Variants in ATXN1 observed in about 807,000 individuals in gnomAD.
The protein encoded by ATXN1 is ataxin-1.
ATXN1 carries 8 observed loss-of-function variants against 56.4 expected under a neutral mutation model. That is an observed-to-expected ratio of 0.14 (90% CI 0.08 to 0.26). The LOEUF is 0.26. Ranked by LOEUF, ATXN1 falls within the 10% of genes least tolerant of loss-of-function variation. The pLI is 1.00. For synonymous variants in ATXN1, 514 were observed against 494.6 expected (o/e 1.04, Z -0.52); for missense variants, 987 against 1,106.5 (o/e 0.89, Z 1.53).
chr6:16,320,933 C>T (rs952396340), intron 7 of ATXN1, among the ~76,000 whole-genome samples: 2 of 152,192 alleles, frequency 1.3e-5, no homozygotes, highest in East Asian at 1.9e-4. Flanking sequence ...AAAAGTTCAG[C>T]CTTCTTTCTA....
At chr6:16,570,810 T>C (rs1762319264) in intron 4 of ATXN1, among the ~76,000 whole-genome samples, 1 of 152,196 alleles carries the variant, frequency 6.6e-6, no homozygotes, top group South Asian at 2.1e-4. Context: ...TAATTTGAAA[T>C]GGAGTCTGTC....
chr6:16,463,798 G>A (rs893914418), intron 6 of ATXN1, among the ~76,000 whole-genome samples: 9 of 152,186 alleles, frequency 5.9e-5, no homozygotes, highest in African/African-American at 2.2e-4. Context: ...TACGTCCCAT[G>A]ACAGCCATCT....
intron 6 of ATXN1, among the ~76,000 whole-genome samples, chr6:16,448,628 G>C (rs370340659): frequency 6.6e-6 from 1 of 152,176 alleles, no homozygotes; most frequent in African/African-American, 2.4e-5. Flanking sequence ...CACTCTGTAA[G>C]TATTGGCTCA....
At chr6:16,335,629 T>C (rs554301748) in intron 6 of ATXN1, among the ~76,000 whole-genome samples, 1 of 152,268 alleles carries the variant, frequency 6.6e-6, no homozygotes, top group East Asian at 1.9e-4. Context: ...CTAAAAGTTA[T>C]GCCCACTCAG....
intron 2 of ATXN1, among the ~76,000 whole-genome samples, chr6:16,742,309 T>C (rs772907124): frequency 6.6e-6 from 1 of 152,150 alleles, no homozygotes; most frequent in Non-Finnish European, 1.5e-5. Context: ...AAGCCACAAC[T>C]TGGGGTCATA....
At chr6:16,638,312 G>A (rs1409878370) in intron 3 of ATXN1, among the ~76,000 whole-genome samples, 1 of 152,034 alleles carries the variant, frequency 6.6e-6, no homozygotes, top group African/African-American at 2.4e-5. Context: ...TGAGCATGGT[G>A]GCATATGTAT....
At chr6:16,524,161 G>A (rs780503439) in intron 4 of ATXN1, among the ~76,000 whole-genome samples, 63 of 152,320 alleles carry the variant, frequency 4.1e-4, no homozygotes, top group Admixed American at 1.9e-3. Context: ...CCAGCCTGCA[G>A]GAAGATTCCC....
At chr6:16,376,262 G>GA (rs1762139477) in intron 6 of ATXN1, among the ~76,000 whole-genome samples, 1 of 152,110 alleles carries the variant, frequency 6.6e-6, no homozygotes, top group South Asian at 2.1e-4. Flanking sequence ...GCAAAAGAGA[G>GA]AAAAAAATTA....
intron 2 of ATXN1, among the ~76,000 whole-genome samples, chr6:16,746,615 T>C (rs917159750): frequency 1.3e-5 from 2 of 152,246 alleles, no homozygotes; most frequent in African/African-American, 4.8e-5. Context: ...AAATGGATGT[T>C]GTTTGGGACA....
At chr6:16,708,158 G>T (rs1759445951) in intron 2 of ATXN1, among the ~76,000 whole-genome samples, 1 of 152,000 alleles carries the variant, frequency 6.6e-6, no homozygotes, top group Non-Finnish European at 1.5e-5. Flanking sequence ...AACCAGGATA[G>T]CACTCTGAAT....
chr6:16,627,452 G>GGCGC (rs1230001225), intron 3 of ATXN1, among the ~76,000 whole-genome samples: 5 of 152,210 alleles, frequency 3.3e-5, no homozygotes, highest in Non-Finnish European at 7.3e-5. Flanking sequence ...TCCTCGGCCA[G>GGCGC]GCGCGGTGGC....
At chr6:16,317,849 C>G (rs905494537) in intron 7 of ATXN1, among the ~76,000 whole-genome samples, 21 of 152,188 alleles carry the variant, frequency 1.4e-4, no homozygotes, top group African/African-American at 4.8e-4. Context: ...TCCTCTAGAA[C>G]TGTCACCTCC....
At chr6:16,492,651 T>C (rs1760692762) in intron 5 of ATXN1, among the ~76,000 whole-genome samples, 1 of 152,106 alleles carries the variant, frequency 6.6e-6, no homozygotes, top group African/African-American at 2.4e-5. Flanking sequence ...GGTACTTTCT[T>C]GGGTTCCTTA....
intron 3 of ATXN1, among the ~76,000 whole-genome samples, chr6:16,608,609 C>G (rs1373610468): frequency 6.6e-6 from 1 of 152,174 alleles, no homozygotes; most frequent in East Asian, 1.9e-4. Flanking sequence ...TGCCAAATGC[C>G]ACTGGGAAAA....
At chr6:16,721,497 C>T (rs13216812) in intron 2 of ATXN1, among the ~76,000 whole-genome samples, 29,397 of 151,882 alleles carry the variant, frequency 0.19, 3,406 homozygotes, top group South Asian at 0.26. Context: ...TATGGTGGCA[C>T]GTCCTTGTAG....
At chr6:16,437,349 C>T (rs536524281) in intron 6 of ATXN1, among the ~76,000 whole-genome samples, 2 of 152,288 alleles carry the variant, frequency 1.3e-5, no homozygotes, top group African/African-American at 2.4e-5. Context: ...CTACTTGATG[C>T]GGATAAGTTC....
At chr6:16,592,351 T>G (rs563424578) in intron 3 of ATXN1, among the ~76,000 whole-genome samples, 59 of 152,176 alleles carry the variant, frequency 3.9e-4, no homozygotes, top group Non-Finnish European at 7.5e-4. Context: ...AGATCGAACC[T>G]TTGAAAAGGT....
chr6:16,516,552 G>A (rs180890934), intron 5 of ATXN1, among the ~76,000 whole-genome samples: 1 of 152,310 alleles, frequency 6.6e-6, no homozygotes, highest in East Asian at 1.9e-4. Context: ...ATGGAGTTAT[G>A]CATGGAGGAC....
intron 6 of ATXN1, among the ~76,000 whole-genome samples, chr6:16,342,443 C>G (rs1186390544): frequency 2.6e-5 from 4 of 151,920 alleles, no homozygotes; most frequent in Admixed American, 2.6e-4. Flanking sequence ...AATGATGCAG[C>G]TGCATGGAAA....
Sources: gnomAD v4.1 joint callset for allele counts (sites outside exome capture counted in the v4.1 genomes callset) on GRCh38, gnomAD v4.1.1 for gene constraint, MANE v1.5 for transcripts, NCBI Gene and HGNC (gene_info 2026-07-23, HGNC 2026-07-21) for gene names.